ROS1: variants seen among roughly 807,000 people sequenced by gnomAD.
ROS1 encodes the protein proto-oncogene tyrosine-protein kinase ROS.
A neutral mutation model predicts 273.5 loss-of-function variants in ROS1; 263 were observed. The observed-to-expected ratio is 0.96, with a 90% CI of 0.87 to 1.06. ROS1 has a LOEUF of 1.06. Ranked by LOEUF, ROS1 falls within the 50% of genes least tolerant of loss-of-function variation. ROS1 has a pLI of 0.00. For missense variants in ROS1, 2,833 were observed against 2,751.1 expected (o/e 1.03, Z -0.67); for synonymous variants, 1,008 against 954.1 (o/e 1.06, Z -1.04).
intron 39 of ROS1, among the ~76,000 whole-genome samples, chr6:117,313,178 T>C (rs1038158945): frequency 6.6e-6 from 1 of 152,208 alleles, no homozygotes; most frequent in Non-Finnish European, 1.5e-5. Context: ...TTTAATGTTA[T>C]CTGGAAGGCA....
chr6:117,302,770 C>A (rs1364099766), intron 42 of ROS1, among the ~76,000 whole-genome samples: 1 of 152,226 alleles, frequency 6.6e-6, no homozygotes, highest in East Asian at 1.9e-4. Flanking sequence ...ACCTTCTTGA[C>A]AATGCTGGGT....
chr6:117,369,534 A>C (rs1463326900), intron 18 of ROS1, among the ~76,000 whole-genome samples: 1 of 152,020 alleles, frequency 6.6e-6, no homozygotes, highest in Non-Finnish European at 1.5e-5. Flanking sequence ...AGATCGCGCC[A>C]CTGCACCAGC....
intron 22 of ROS1, among the ~76,000 whole-genome samples, chr6:117,361,372 C>T (rs1779787039): frequency 6.6e-6 from 1 of 150,552 alleles, no homozygotes; most frequent in African/African-American, 2.4e-5. Context: ...TAGTATTAAA[C>T]ATATTTTACT....
intron 18 of ROS1, among the ~76,000 whole-genome samples, chr6:117,374,946 T>C (rs549563053): frequency 2.6e-5 from 4 of 152,370 alleles, no homozygotes; most frequent in South Asian, 4.1e-4. Flanking sequence ...AGTCCCACTA[T>C]TGGGTATCCA....
chr6:117,304,701 GA>G (rs1582562415), intron 42 of ROS1, among the ~76,000 whole-genome samples: 2 of 152,162 alleles, frequency 1.3e-5, no homozygotes, highest in African/African-American at 4.8e-5. Context: ...GTCAGATCAA[GA>G]AAACATAGTG....
intron 43 of ROS1, chr6:117,299,643 C>T (rs1774525209): frequency 2.6e-5 from 4 of 152,162 alleles, no homozygotes; most frequent in Admixed American, 2.6e-4. Context: ...CTAATTTCTG[C>T]GAGATTCTAA....
intron 23 of ROS1, 69 bp downstream of exon 23, chr6:117,360,273 G>GACGC: frequency 1.3e-6 from 1 of 762,284 alleles, no homozygotes; most frequent in Non-Finnish European, 2.2e-6. Context: ...ACACCAATGG[G>GACGC]ACACACACAC....
chr6:117,356,492 T>C (rs760998175), intron 26 of ROS1, 137 bp downstream of exon 26: 46 of 737,004 alleles, frequency 6.2e-5, no homozygotes, highest in Non-Finnish European at 7.3e-5. Flanking sequence ...ATTTGAATTC[T>C]GCAAGAACAC....
chr6:117,412,605 CAGATAGAT>C (rs3836982), intron 4 of ROS1, among the ~76,000 whole-genome samples: 34,255 of 151,120 alleles, frequency 0.23, 4,002 homozygotes, highest in South Asian at 0.25. Context: ...GATAGATAGA[CAGATAGAT>C]AGATAGATAG....
intron 17 of ROS1, among the ~76,000 whole-genome samples, chr6:117,379,825 T>C (rs1390848277): frequency 6.6e-6 from 1 of 152,126 alleles, no homozygotes; most frequent in African/African-American, 2.4e-5. Flanking sequence ...TCTCATACAC[T>C]TTAAAAAGAT....
intron 41 of ROS1, 77 bp from the exon 42 acceptor site, chr6:117,309,005 T>C: frequency 7.0e-7 from 1 of 1,434,210 alleles, no homozygotes; most frequent in Non-Finnish European, 9.6e-7. Flanking sequence ...CAACAACATT[T>C]TTCCTGGGGC....
intron 22 of ROS1, among the ~76,000 whole-genome samples, chr6:117,361,504 C>A (rs1287964916): frequency 6.8e-6 from 1 of 148,106 alleles, no homozygotes; most frequent in Admixed American, 6.8e-5. Context: ...TATCACTTTG[C>A]ATGGTTCCAT....
intron 42 of ROS1, among the ~76,000 whole-genome samples, chr6:117,307,830 G>T (rs543673144): frequency 5.9e-5 from 9 of 152,172 alleles, no homozygotes; most frequent in African/African-American, 1.9e-4. Flanking sequence ...GCATAGTCAA[G>T]GCAGTACAAC....
chr6:117,288,335 C>G lies in ROS1; in HGVS notation c.*157G>C. 1.4e-6 allele frequency: 1 copy of G among 689,734 alleles called. No homozygotes were observed. The highest frequency in any genetic ancestry group is 2.4e-6 in the Non-Finnish European group (1 of 419,874). 42.7% of individuals were successfully genotyped at this position (689,734 alleles called of 1,614,324 possible). A position where few individuals can be genotyped will look rare whatever the true frequency, so the allele number is the denominator to read the frequency against. ...GTATGGGGATTGCTACAACTGAAAC[C>G]AAATGGCTCTCAGAACCAAGATTAG... On this transcript the variant is annotated 3_prime_UTR_variant, in exon 44 of 44. Transcript: ENST00000368507.
Position 117,383,347 on chromosome 6 carries a change from T to C in ROS1, c.2451A>G (p.Leu817=), listed in dbSNP as rs755571917. ...TCCCAGAAAACCAAGGCTGTGTCTG[T>C]AGTACAAGGGAACTTTCCCCATTTA... ...TRLNGESSLV[L]QTQPWFSGKK... is the part of the protein sequence containing the mutation. Residue 817 remains leucine, a synonymous_variant, in exon 17 of 44, where the codon CTA becomes CTG. Coordinates refer to ENST00000368507, the MANE Select transcript of ROS1 (RefSeq NM_001378902.1). 6.2e-7 allele frequency: 1 copy of C among 1,613,978 alleles called. No individual in the cohort carries two copies. The highest frequency in any genetic ancestry group is 1.6e-4 in the Middle Eastern group (1 of 6,062).
At chr6:117,316,443 CTTG>C (rs60931031) in intron 39 of ROS1, among the ~76,000 whole-genome samples, 55,952 of 144,520 alleles carry the variant, frequency 0.39, 10,688 homozygotes, top group Admixed American at 0.44. Flanking sequence ...ACTTTGCTGA[CTTG>C]TCTTATCTTA....
intron 43 of ROS1, among the ~76,000 whole-genome samples, chr6:117,294,511 T>G (rs531370823): frequency 6.6e-6 from 1 of 152,314 alleles, no homozygotes; most frequent in South Asian, 2.1e-4. Flanking sequence ...TGGATTTGGC[T>G]TGCCAGTATT....
intron 26 of ROS1, among the ~76,000 whole-genome samples, chr6:117,355,058 G>A (rs1779193796): frequency 6.6e-6 from 1 of 152,176 alleles, no homozygotes; most frequent in Non-Finnish European, 1.5e-5. Flanking sequence ...TCAAGGGTGG[G>A]AGATGAAGAA....
chr6:117,418,769 T>C (rs561647202), intron 1 of ROS1, among the ~76,000 whole-genome samples: 32 of 152,290 alleles, frequency 2.1e-4, no homozygotes, highest in African/African-American at 7.5e-4. Flanking sequence ...GAGAGTCTCA[T>C]GCAGAATTAA....
Sources: allele counts gnomAD v4.1 joint callset (sites outside exome capture counted in the v4.1 genomes callset), GRCh38; gene constraint gnomAD v4.1.1; transcripts MANE v1.5; gene names NCBI Gene and HGNC (gene_info 2026-07-23, HGNC 2026-07-21).